Variants in TCF7L2 observed in about 807,000 individuals in gnomAD.
TCF7L2 encodes transcription factor 7 like 2, also known as transcription factor 7-like 2.
A neutral mutation model predicts 77.9 loss-of-function variants in TCF7L2; 23 were observed. The observed-to-expected ratio is 0.30, with a 90% CI of 0.21 to 0.42. The LOEUF (loss-of-function observed/expected upper bound fraction) is 0.42. Ranked by LOEUF, TCF7L2 falls within the 10% of genes least tolerant of loss-of-function variation. The pLI, the probability that TCF7L2 is intolerant of heterozygous loss-of-function variation, is 1.00. For synonymous variants in TCF7L2, 413 were observed against 340.2 expected (o/e 1.21, Z -2.36); for missense variants, 654 against 793.1 (o/e 0.82, Z 2.11).
intron 11 of TCF7L2, among the ~76,000 whole-genome samples, chr10:113,157,580 G>A (rs144518776): frequency 0.015 from 2,240 of 152,326 alleles, 23 homozygotes; most frequent in Non-Finnish European, 0.019. Flanking sequence ...CTGTGAGCAG[G>A]TCAGGCAGGG....
intron 5 of TCF7L2, among the ~76,000 whole-genome samples, chr10:113,050,190 C>A (rs987301113): frequency 6.6e-6 from 1 of 152,190 alleles, no homozygotes; most frequent in African/African-American, 2.4e-5. Context: ...TGTGTCCAAA[C>A]AGTGGGATAA....
intron 4 of TCF7L2, among the ~76,000 whole-genome samples, chr10:112,979,687 C>G (rs574270653): frequency 6.6e-6 from 1 of 151,444 alleles, no homozygotes; most frequent in Non-Finnish European, 1.5e-5. Context: ...AACTGGGAGG[C>G]GGAGGTTGCA....
At chr10:113,028,952 C>T (rs886567408) in intron 4 of TCF7L2, among the ~76,000 whole-genome samples, 17 of 152,142 alleles carry the variant, frequency 1.1e-4, no homozygotes, top group Non-Finnish European at 2.4e-4. Flanking sequence ...CCATGGTAGA[C>T]CTAAAATTTC....
At chr10:113,106,757 T>C (rs2062377253) in intron 5 of TCF7L2, among the ~76,000 whole-genome samples, 1 of 152,250 alleles carries the variant, frequency 6.6e-6, no homozygotes, top group African/African-American at 2.4e-5. Flanking sequence ...TTTTGAATGA[T>C]GAATGAATAA....
chr10:113,159,923 T>G, intron 12 of TCF7L2: 1 of 1,478,746 alleles, frequency 6.8e-7, no homozygotes, highest in East Asian at 2.8e-5. Flanking sequence ...CATTCAGACC[T>G]GAGCGCTCCT....
intron 4 of TCF7L2, among the ~76,000 whole-genome samples, chr10:113,010,304 G>GT: frequency 1.3e-5 from 2 of 152,220 alleles, no homozygotes; most frequent in Middle Eastern, 6.8e-3. Flanking sequence ...TAGGGCAGTG[G>GT]TTCCCCCAAT....
intron 5 of TCF7L2, among the ~76,000 whole-genome samples, chr10:113,137,988 C>G (rs145888326): frequency 2.0e-5 from 3 of 152,132 alleles, no homozygotes; most frequent in African/African-American, 7.2e-5. Context: ...AGAAGAAAAT[C>G]CCTCCATCAT....
At chr10:113,067,686 C>T (rs1481713052) in intron 5 of TCF7L2, among the ~76,000 whole-genome samples, 1 of 152,150 alleles carries the variant, frequency 6.6e-6, no homozygotes, top group African/African-American at 2.4e-5. Flanking sequence ...GAGACCCAGA[C>T]AGCCCGAGTC....
At chr10:113,137,821 G>A (rs1273475290) in intron 5 of TCF7L2, among the ~76,000 whole-genome samples, 2 of 152,200 alleles carry the variant, frequency 1.3e-5, no homozygotes, top group East Asian at 3.8e-4. Context: ...GGGCACTTGG[G>A]AGGACATAAA....
At chr10:112,988,228 G>C (rs1282604245) in intron 4 of TCF7L2, among the ~76,000 whole-genome samples, 2 of 151,862 alleles carry the variant, frequency 1.3e-5, no homozygotes, top group African/African-American at 2.4e-5. Flanking sequence ...CTCCCGAGTA[G>C]CTGGGATTAC....
chr10:113,161,731 G>A lies in TCF7L2; in HGVS notation c.1391+1040G>A, dbSNP rs577789926. 8.2e-4 allele frequency: 819 copies of A among 994,668 alleles called. 10 individuals are homozygous for A. The South Asian group carries it at 0.012, about 14-fold the overall frequency. The allele number at this position is 994,668 out of a possible 1,614,324, so 61.6% of individuals were successfully genotyped here. A position where few individuals can be genotyped will look rare whatever the true frequency, so the allele number is the denominator to read the frequency against. ...TTAGATCAGATGTGCATCCCATTAC[G>A]TGCATGCCCACGAGTCTCCTGTGTC... is the stretch of plus-strand genomic sequence containing the variant. On this transcript the variant is annotated intron_variant, in intron 13 of 13. Coordinates refer to ENST00000627217, the MANE Select transcript of TCF7L2 (RefSeq NM_001146274.2).
At chr10:113,142,114 C>T (rs113080761) in intron 6 of TCF7L2, among the ~76,000 whole-genome samples, 11,726 of 152,292 alleles carry the variant, frequency 0.077, 997 homozygotes, top group African/African-American at 0.21. Flanking sequence ...AAACAATTCT[C>T]CTGCCTGAGC....
At chr10:112,975,616 G>A (rs1417588941) in intron 4 of TCF7L2, among the ~76,000 whole-genome samples, 1 of 152,088 alleles carries the variant, frequency 6.6e-6, no homozygotes, top group Non-Finnish European at 1.5e-5. Flanking sequence ...CCAGTAGCTG[G>A]GATTATAGGC....
At chr10:113,072,150 G>C (rs1301604899) in intron 5 of TCF7L2, among the ~76,000 whole-genome samples, 9 of 152,102 alleles carry the variant, frequency 5.9e-5, no homozygotes, top group Non-Finnish European at 1.3e-4. Flanking sequence ...CTGCCTCCTG[G>C]ATTCACACCA....
chr10:113,029,127 T>A (rs952615021), intron 4 of TCF7L2, among the ~76,000 whole-genome samples: 5 of 152,160 alleles, frequency 3.3e-5, no homozygotes, highest in Non-Finnish European at 4.4e-5. Context: ...CATGCCTACT[T>A]TTTTTTAGGT....
intron 5 of TCF7L2, among the ~76,000 whole-genome samples, chr10:113,053,919 T>A (rs953769034): frequency 6.6e-6 from 1 of 152,210 alleles, no homozygotes; most frequent in African/African-American, 2.4e-5. Context: ...AAGCTGGAAG[T>A]TGAACCCAAG....
At chr10:112,995,477 C>T (rs985571313) in intron 4 of TCF7L2, among the ~76,000 whole-genome samples, 11 of 152,190 alleles carry the variant, frequency 7.2e-5, no homozygotes, top group Middle Eastern at 3.4e-3. Context: ...CCTTGGACAC[C>T]GGTGGTGCAG....
At chr10:112,983,035 A>G (rs2040771637) in intron 4 of TCF7L2, among the ~76,000 whole-genome samples, 1 of 152,130 alleles carries the variant, frequency 6.6e-6, no homozygotes. Context: ...ACTTATAATT[A>G]TTATTTAGCT....
In TCF7L2 at chr10:113,095,594, A is replaced by G. The variant is rs564190515; in HGVS notation, c.553-45590A>G. 2.4e-4 allele frequency among the ~76,000 whole-genome samples: 37 copies of G among 152,300 alleles called. No homozygotes were observed. In the South Asian group the frequency reaches 2.9e-3, roughly 12 times the overall value. On this transcript the variant is annotated intron_variant, in intron 5 of 13. Transcript: ENST00000627217. ...AACATGACGTAGTCCCACTCTACTT[A>G]TCAGATGCAGAGCTTGCTACCAGGA...
Sources: allele counts gnomAD v4.1 joint callset (sites outside exome capture counted in the v4.1 genomes callset), GRCh38; gene constraint gnomAD v4.1.1; transcripts MANE v1.5; gene names NCBI Gene and HGNC (gene_info 2026-07-23, HGNC 2026-07-21).